Variants in BFSP1 observed in about 807,000 individuals in gnomAD.
The protein encoded by BFSP1 is beaded filament structural protein 1.
BFSP1 carries 38 observed loss-of-function variants against 43.9 expected under a neutral mutation model. The observed-to-expected ratio is 0.87, with a 90% CI of 0.67 to 1.14. The LOEUF is 1.14. BFSP1 is among the 50% of genes most tolerant of loss of function. BFSP1 has a pLI of 0.00. For missense variants in BFSP1, 850 were observed against 875.1 expected, an observed-to-expected ratio of 0.97 and a Z score of 0.36; for synonymous variants, 352 against 354.8, an observed-to-expected ratio of 0.99 and a Z score of 0.09.
chr20:17,503,149 C>A (rs151024822), intron 5 of BFSP1, among the ~76,000 whole-genome samples: 255 of 152,284 alleles, frequency 1.7e-3, no homozygotes, highest in Non-Finnish European at 2.9e-3. Flanking sequence ...TTTGTCTCCT[C>A]AGTAGCTGAG....
chr20:17,552,103 AGT>A (rs1168049760), intron 1 of BFSP1, among the ~76,000 whole-genome samples: 6 of 152,196 alleles, frequency 3.9e-5, no homozygotes, highest in African/African-American at 1.4e-4. Flanking sequence ...GAGTATAATA[AGT>A]GGTGATAAGT....
chr20:17,522,604 C>T (rs976160298), intron 2 of BFSP1, among the ~76,000 whole-genome samples: 3 of 152,214 alleles, frequency 2.0e-5, no homozygotes, highest in African/African-American at 4.8e-5. Context: ...CTCCTCCATG[C>T]ACTTTCTAAA....
rs2033971628 is a variant in BFSP1, at chr20:17,507,654, C to A, written c.735+1235G>T. Among the ~76,000 whole-genome samples, 1 of 152,070 alleles carries A rather than the reference C, an allele frequency of 6.6e-6. No individual in the cohort carries two copies. Among genetic ancestry groups the A allele is most frequent in the South Asian group, 2.1e-4 (1 of 4,810 alleles). ...ATACCATGTATATCACACACACACA[C>A]CCCATGTACACAAACACATACAACC... On this transcript the variant is annotated intron_variant, in intron 5 of 7. Coordinates refer to ENST00000377873, the MANE Select transcript of BFSP1 (RefSeq NM_001195.5). This position sits in a 1 kb window ranked among gnomAD's most constrained non-coding sequence, Gnocchi z 4.4.
chr20:17,494,611 G>A lies in BFSP1; in HGVS notation c.1461C>T (p.Ser487=), dbSNP rs2033583040. Residue 487 remains serine, a synonymous_variant, in exon 8 of 8, where the codon TCC becomes TCT. Transcript: ENST00000377873. ...ANYVDPRFYV[S]SITAKGGVAV... Reference sequence around the variant, plus strand: ...CCACCCCACCTTTAGCTGTGATGGAGGAGACATAGAATCTAGGGTCCACGT... The same window carrying A: ...CCACCCCACCTTTAGCTGTGATGGAAGAGACATAGAATCTAGGGTCCACGT... The A allele has an allele frequency of 6.2e-7, 1 of 1,614,112 alleles. No homozygotes were observed. Among genetic ancestry groups the A allele is most frequent in the African/African-American group, 1.3e-5 (1 of 74,940 alleles).
rs1412086816 is a variant in BFSP1, at chr20:17,525,625, G to A, written c.378-717C>T. On this transcript the variant is annotated intron_variant, in intron 1 of 7. Transcript: ENST00000377873. This position sits in a 1 kb window ranked among gnomAD's most constrained non-coding sequence, Gnocchi z 4.2. ...ACCCCAGCTCCTTTTCTGCTCGGCT[G>A]GGACAACTGAGGCACGTCCCTCTGG... is the stretch of plus-strand genomic sequence containing the variant. Among the ~76,000 whole-genome samples the A allele has an allele frequency of 6.6e-6, 1 of 152,106 alleles. No individual in the cohort carries two copies. The highest frequency in any genetic ancestry group is 1.5e-5 in the Non-Finnish European group (1 of 68,020).
rs556626081 is a variant in BFSP1, at chr20:17,498,899, G to A, written c.877C>T (p.Arg293Trp). ...RVLEKSSYDCRQLAVAQQTLK... is the reference protein window; with the variant it reads ...RVLEKSSYDCWQLAVAQQTLK... ...GTTTGCTGGGCGACCGCCAGCTGCCGGCAGTCGTAAGAAGACTTCTCCAGG... is the reference window on the plus strand; with the variant it reads ...GTTTGCTGGGCGACCGCCAGCTGCCAGCAGTCGTAAGAAGACTTCTCCAGG... The change falls in exon 6 of 8, where the codon CGG becomes TGG. Residue 293 changes from arginine (R) to tryptophan (W), a missense_variant. Coordinates refer to ENST00000377873, the MANE Select transcript of BFSP1 (RefSeq NM_001195.5). The A allele has an allele frequency of 8.1e-6, 13 of 1,614,070 alleles. No homozygotes were observed. The highest frequency in any genetic ancestry group is 1.7e-4 in the Middle Eastern group (1 of 6,022).
At position 17,524,924 on chromosome 20, in the gene BFSP1, A is replaced by G. The variant is rs1600661739; in HGVS notation, c.378-16T>C. 8.7e-6 allele frequency: 14 copies of G among 1,609,676 alleles called. No homozygotes were observed. The highest frequency in any genetic ancestry group is 1.1e-5 in the Non-Finnish European group (13 of 1,175,916). On this transcript the variant is annotated splice_polypyrimidine_tract_variant and intron_variant, in intron 1 of 7. Transcript: ENST00000377873. ...ATTTTCATACCTGCAAATTGGACAC[A>G]TAAGTGAGAGTTGGGTAACTACCAT... is the stretch of plus-strand genomic sequence containing the variant.
upstream of BFSP1, chr20:17,559,019 T>C (rs1232551381): frequency 1.2e-4 from 33 of 265,464 alleles, no homozygotes; most frequent in African/African-American, 6.2e-4. Flanking sequence ...TCACCTCCAC[T>C]CCCCCTTCCA....
At position 17,553,982 on chromosome 20, in the gene BFSP1, A is replaced by G. The variant is rs554950136; in HGVS notation, c.2+4706T>C. Among the ~76,000 whole-genome samples the G allele has an allele frequency of 3.3e-5, 5 of 150,862 alleles. No individual in the cohort carries two copies. The South Asian group carries it at 1.0e-3, about 31-fold the overall frequency. On this transcript the variant is annotated intron_variant, in intron 1 of 7. Transcript: ENST00000377868. The stretch of plus-strand genomic sequence containing the variant: ...AAAGATAATTAAACTACAGTTGCAG[A>G]TGGCATATTTTTAGCATTAGGGAAT...
chr20:17,557,604 G>A (rs561978969), intron 1 of BFSP1, among the ~76,000 whole-genome samples: 1 of 152,318 alleles, frequency 6.6e-6, no homozygotes, highest in East Asian at 1.9e-4. Flanking sequence ...CAGATTTGGT[G>A]CCTTCTTCCA....
chr20:17,498,807 G>A lies in BFSP1; in HGVS notation c.956+13C>T, dbSNP rs1255507383. 5 of 1,610,428 alleles carry A rather than the reference G, an allele frequency of 3.1e-6. No individual in the cohort carries two copies. Among genetic ancestry groups the A allele is most frequent in the Admixed American group, 1.7e-5 (1 of 59,780 alleles). On this transcript the variant is annotated intron_variant, in intron 6 of 7. Transcript: ENST00000377873. ...AGGAATAAGTGGCCTGGATGGGGAGGGCACACGCTCACCTGTTGCCTTCAA... is the reference window on the plus strand; with the variant it reads ...AGGAATAAGTGGCCTGGATGGGGAGAGCACACGCTCACCTGTTGCCTTCAA...
At chr20:17,504,910 T>TTG (rs2033894083) in intron 5 of BFSP1, among the ~76,000 whole-genome samples, 1 of 139,146 alleles carries the variant, frequency 7.2e-6, no homozygotes, top group South Asian at 2.2e-4. Flanking sequence ...GTAAGGTTTT[T>TTG]TTTTTGTTTT....
intron 2 of BFSP1, among the ~76,000 whole-genome samples, chr20:17,523,336 A>G (rs1430601514): frequency 6.6e-6 from 1 of 152,102 alleles, no homozygotes; most frequent in Non-Finnish European, 1.5e-5. Context: ...GTGAGGACAG[A>G]TGCTCACAAA....
At chr20:17,562,526 CAAAAAAAAAA>C (rs550158623), upstream of BFSP1, among the ~76,000 whole-genome samples, 2 of 48,016 alleles carry the variant, frequency 4.2e-5, no homozygotes, top group African/African-American at 6.8e-5. Context: ...GACTCTGTCT[CAAAAAAAAAA>C]AAAAAAAAAA....
At chr20:17,526,540 G>A (rs543608746) in intron 1 of BFSP1, among the ~76,000 whole-genome samples, 13 of 152,172 alleles carry the variant, frequency 8.5e-5, no homozygotes, top group South Asian at 4.2e-4. Flanking sequence ...TCTATGTATC[G>A]ACCACATTTT....
chr20:17,530,912 C>A, intron 1 of BFSP1, 41 bp downstream of exon 1: 1 of 1,366,712 alleles, frequency 7.3e-7, no homozygotes, highest in Non-Finnish European at 9.4e-7. Context: ...GCCGGGACGG[C>A]CCACGCCCTG....
chr20:17,554,144 A>G (rs771385434), intron 1 of BFSP1, among the ~76,000 whole-genome samples: 4 of 152,012 alleles, frequency 2.6e-5, no homozygotes, highest in Admixed American at 6.5e-5. Context: ...AAAATATAAA[A>G]ATTAGTTTAA....
intron 4 of BFSP1, among the ~76,000 whole-genome samples, chr20:17,510,232 C>A (rs1342487111): frequency 6.6e-6 from 1 of 152,226 alleles, no homozygotes. Flanking sequence ...GCACGTCTCA[C>A]AAGCCCAGAC....
intron 2 of BFSP1, among the ~76,000 whole-genome samples, chr20:17,517,536 G>A (rs1478725616): frequency 6.6e-6 from 1 of 152,106 alleles, no homozygotes; most frequent in Non-Finnish European, 1.5e-5. Context: ...CACCCACCGT[G>A]GCCTCCCAAA....
Sources: allele counts gnomAD v4.1 joint callset (sites outside exome capture counted in the v4.1 genomes callset), GRCh38; gene constraint gnomAD v4.1.1; non-coding constraint Gnocchi (gnomAD v3.1); transcripts MANE v1.5; gene names NCBI Gene and HGNC (gene_info 2026-07-23, HGNC 2026-07-21).